LDLRAD4: variants seen among roughly 807,000 people sequenced by gnomAD.
LDLRAD4 encodes low density lipoprotein receptor class A domain containing 4, also known as low-density lipoprotein receptor class A domain-containing protein 4.
A neutral mutation model predicts 17.0 loss-of-function variants in LDLRAD4; 5 were observed. The observed-to-expected ratio is 0.29, with a 90% confidence interval of 0.15 to 0.62. LDLRAD4 has a LOEUF of 0.62. Among genes scored for constraint, LDLRAD4 ranks in the 20% least tolerant of loss-of-function variants. LDLRAD4 has a pLI of 0.84. For missense variants in LDLRAD4, 340 were observed against 424.7 expected (o/e 0.80, Z 1.75); for synonymous variants, 168 against 171.8 (o/e 0.98, Z 0.17).
rs1252517451 is a variant in LDLRAD4 at position 13,322,108 on chromosome 18, A to G, written c.-383+43920A>G. Among the ~76,000 whole-genome samples, 15 of 151,730 alleles carry G rather than the reference A, an allele frequency of 9.9e-5. 1 individual carries two copies. In the East Asian group the frequency reaches 2.7e-3, roughly 27 times the overall value. On this transcript the variant is annotated intron_variant, in intron 1 of 5. Coordinates refer to ENST00000359446, the Ensembl canonical transcript of LDLRAD4. Reference sequence around the variant, plus strand: ...AGAAAAAAAATCTAGTGGTGATCTCATCAGAGTCTATGTTGTATTGCGACA... The same window carrying G: ...AGAAAAAAAATCTAGTGGTGATCTCGTCAGAGTCTATGTTGTATTGCGACA...
At chr18:13,296,231 C>T (rs56351513) in intron 1 of LDLRAD4, among the ~76,000 whole-genome samples, 43,353 of 152,220 alleles carry the variant, frequency 0.28, 6,410 homozygotes, top group Middle Eastern at 0.38. Context: ...CAAATCAGAC[C>T]GGGCTGTGAT....
intron 3 of LDLRAD4, among the ~76,000 whole-genome samples, chr18:13,444,803 A>G (rs11877701): frequency 4.2e-4 from 64 of 152,258 alleles, no homozygotes; most frequent in African/African-American, 1.5e-3. Flanking sequence ...GAATATTATT[A>G]TTTTAGAAAA....
chr18:13,332,226 C>CT (rs58851800), intron 1 of LDLRAD4, among the ~76,000 whole-genome samples: 9 of 152,262 alleles, frequency 5.9e-5, no homozygotes, highest in East Asian at 3.9e-4. Flanking sequence ...ACAAAACATT[C>CT]TTTTTTGGGT....
chr18:13,263,177 C>A (rs1304198117), intron 1 of LDLRAD4, among the ~76,000 whole-genome samples: 3 of 143,560 alleles, frequency 2.1e-5, no homozygotes, highest in South Asian at 4.5e-4. Context: ...GGGGCTGAGT[C>A]CCTTGTGGCT....
chr18:13,596,189 C>T (rs1161593279), intron 3 of LDLRAD4, among the ~76,000 whole-genome samples: 2 of 152,114 alleles, frequency 1.3e-5, no homozygotes, highest in East Asian at 3.8e-4. Flanking sequence ...AGTATGGTCG[C>T]ACCAGTTTTC....
chr18:13,399,830 A>G (rs1403388740), intron 2 of LDLRAD4, among the ~76,000 whole-genome samples: 1 of 152,266 alleles, frequency 6.6e-6, no homozygotes, highest in Non-Finnish European at 1.5e-5. Context: ...TGCCTTGGTA[A>G]GTTGATCTTA....
At chr18:13,537,399 CTG>C (rs1471186932) in intron 3 of LDLRAD4, among the ~76,000 whole-genome samples, 2 of 152,150 alleles carry the variant, frequency 1.3e-5, no homozygotes, top group East Asian at 3.8e-4. Flanking sequence ...CAGGATGAAA[CTG>C]TTCTACCTCA....
chr18:13,606,816 T>C (rs1278387146), intron 3 of LDLRAD4, among the ~76,000 whole-genome samples: 1 of 152,212 alleles, frequency 6.6e-6, no homozygotes, highest in African/African-American at 2.4e-5. Context: ...CAAAATTTTA[T>C]AGCATAGTCG....
At chr18:13,386,287 T>C (rs189074229) in intron 1 of LDLRAD4, among the ~76,000 whole-genome samples, 2 of 152,358 alleles carry the variant, frequency 1.3e-5, no homozygotes, top group African/African-American at 4.8e-5. Context: ...TTTGGGCTTC[T>C]GTCATTCTTG....
intron 4 of LDLRAD4, among the ~76,000 whole-genome samples, chr18:13,631,798 G>A (rs572354123): frequency 3.9e-5 from 6 of 152,114 alleles, no homozygotes; most frequent in Non-Finnish European, 8.8e-5. Context: ...ATGGGGGCAC[G>A]CACCTGCAAT....
At chr18:13,545,535 A>C (rs1347133011) in intron 3 of LDLRAD4, among the ~76,000 whole-genome samples, 1 of 152,054 alleles carries the variant, frequency 6.6e-6, no homozygotes, top group African/African-American at 2.4e-5. Context: ...GCTGGGATCC[A>C]CTAATGGCTT....
chr18:13,324,919 A>G (rs1294969237), intron 1 of LDLRAD4, among the ~76,000 whole-genome samples: 1 of 152,216 alleles, frequency 6.6e-6, no homozygotes, highest in Non-Finnish European at 1.5e-5. Flanking sequence ...TACATGTGAC[A>G]TGTGAAAGGA....
At chr18:13,596,486 A>T (rs1050075742) in intron 3 of LDLRAD4, among the ~76,000 whole-genome samples, 1 of 152,178 alleles carries the variant, frequency 6.6e-6, no homozygotes, top group African/African-American at 2.4e-5. Context: ...TCTCAAGCTT[A>T]ACACACATAA....
intron 1 of LDLRAD4, among the ~76,000 whole-genome samples, chr18:13,321,861 CAAAAAAAAAAAAA>C (rs57033432): frequency 1.8e-4 from 11 of 62,138 alleles, no homozygotes; most frequent in East Asian, 1.1e-3. Flanking sequence ...GACTCCGTCT[CAAAAAAAAAAAAA>C]AAAAAAAAAA....
chr18:13,427,277 A>G (rs1470033063), intron 2 of LDLRAD4: 2 of 152,632 alleles, frequency 1.3e-5, no homozygotes, highest in Non-Finnish European at 2.9e-5. Flanking sequence ...TTCAAATTTC[A>G]TAAAGTTGGG....
At chr18:13,323,280 C>T (rs961484016) in intron 1 of LDLRAD4, among the ~76,000 whole-genome samples, 8 of 152,368 alleles carry the variant, frequency 5.3e-5, no homozygotes, top group East Asian at 1.9e-4. Flanking sequence ...GAGCTATGGG[C>T]GCCGCCACTG....
intron 4 of LDLRAD4, among the ~76,000 whole-genome samples, chr18:13,635,259 G>A (rs892190882): frequency 3.9e-5 from 6 of 152,094 alleles, no homozygotes; most frequent in Admixed American, 1.3e-4. Flanking sequence ...CACTCTTCCC[G>A]GTGGCAAACT....
intron 1 of LDLRAD4, among the ~76,000 whole-genome samples, chr18:13,291,108 G>A (rs1223290399): frequency 6.6e-6 from 1 of 152,226 alleles, no homozygotes; most frequent in Non-Finnish European, 1.5e-5. Context: ...TTGGGCCTCT[G>A]AGTCACAGCA....
chr18:13,480,622 T>A (rs1377479081), intron 3 of LDLRAD4, among the ~76,000 whole-genome samples: 1 of 152,122 alleles, frequency 6.6e-6, no homozygotes, highest in Admixed American at 6.5e-5. Context: ...CTGTGTGGGA[T>A]GTGATCATGT....
Sources: allele counts gnomAD v4.1 joint callset (sites outside exome capture counted in the v4.1 genomes callset), GRCh38; gene constraint gnomAD v4.1.1; transcripts MANE v1.5; gene names NCBI Gene and HGNC (gene_info 2026-07-23, HGNC 2026-07-21).